The following ADAMTS8 variants were observed in gnomAD, a reference collection of about 807,000 sequenced individuals.
ADAMTS8 encodes the protein A disintegrin and metalloproteinase with thrombospondin motifs 8.
ADAMTS8 carries 50 observed loss-of-function variants against 64.4 expected under a neutral mutation model. The observed-to-expected ratio is 0.78, with a 90% confidence interval of 0.62 to 0.98. The LOEUF is 0.98. ADAMTS8 is among the 50% of genes least tolerant of loss of function. ADAMTS8 has a pLI of 0.00. For missense variants in ADAMTS8, 1,192 were observed against 1,208.2 expected (o/e 0.99, Z 0.20); for synonymous variants, 556 against 533.6 (o/e 1.04, Z -0.58).
At chr11:130,409,103 T>G (rs1404834806) in intron 6 of ADAMTS8, among the ~76,000 whole-genome samples, 163 bp from the exon 7 acceptor site, 1 of 152,134 alleles carries the variant, frequency 6.6e-6, no homozygotes, top group African/African-American at 2.4e-5. Context: ...CCTAGACGCA[T>G]GTGTGACCCT....
chr11:130,408,333 G>T, intron 8 of ADAMTS8, 131 bp downstream of exon 8: 1 of 1,085,948 alleles, frequency 9.2e-7, no homozygotes. Flanking sequence ...CTGAAGCTCG[G>T]AGAGTTTAAA....
chr11:130,425,198 G>T (rs1351214321), intron 1 of ADAMTS8, among the ~76,000 whole-genome samples: 1 of 152,152 alleles, frequency 6.6e-6, no homozygotes, highest in Non-Finnish European at 1.5e-5. Context: ...AAGCCGAATT[G>T]TCTGGGGCAG....
chr11:130,406,207 G>T, intron 8 of ADAMTS8, 79 bp from the exon 9 acceptor site: 1 of 1,499,822 alleles, frequency 6.7e-7, no homozygotes, highest in South Asian at 1.3e-5. Context: ...AGACTGAAGT[G>T]GGCACCCCAG....
At chr11:130,417,407 C>T (rs1007452114) in intron 2 of ADAMTS8, among the ~76,000 whole-genome samples, 9 of 152,096 alleles carry the variant, frequency 5.9e-5, no homozygotes, top group African/African-American at 2.2e-4. Flanking sequence ...CAGGCGTGCA[C>T]CACCACACCT....
At position 130,416,398 on chromosome 11, in the gene ADAMTS8, G is replaced by A; in HGVS notation, c.1097-68C>T. 1.4e-6 allele frequency: 2 copies of A among 1,462,360 alleles called. No individual in the cohort carries two copies. Among genetic ancestry groups the A allele is most frequent in the South Asian group, 2.7e-5 (2 of 74,690 alleles). The allele number at this position is 1,462,360 out of a possible 1,614,324, so 90.6% of individuals were successfully genotyped here. On this transcript the variant is annotated intron_variant, in intron 3 of 8. Coordinates refer to ENST00000257359, the MANE Select transcript of ADAMTS8 (RefSeq NM_007037.6). The surrounding 1 kb of genome is among the most constrained non-coding windows in gnomAD (Gnocchi z 4.8). Reference sequence around the variant, plus strand: ...GGGCGCCCCACCTGGCCCAGCTAGGGACAGAGATGGAGCTCCTCAGGGGAG... The same window carrying A: ...GGGCGCCCCACCTGGCCCAGCTAGGAACAGAGATGGAGCTCCTCAGGGGAG...
chr11:130,414,531 C>A lies in ADAMTS8; in HGVS notation c.1566G>T (p.Lys522Asn). ...GCTATCCTCAGGGGCTGTCCCTCAC[C>A]TTGGGCCTCTCCACTTCCTCCTCAG... ...CLPEEEVERP[K>N]PVADGGWAPW... The change falls in exon 5 of 9, where the codon AAG becomes AAT. Residue 522 changes from lysine to asparagine, a missense_variant and splice_region_variant. Coordinates refer to ENST00000257359, the MANE Select transcript of ADAMTS8 (RefSeq NM_007037.6). The A allele has an allele frequency of 1.3e-6, 2 of 1,595,524 alleles. No homozygotes were observed. Among genetic ancestry groups the A allele is most frequent in the Non-Finnish European group, 1.7e-6 (2 of 1,168,402 alleles).
At chr11:130,413,710 T>C (rs1217409319) in intron 5 of ADAMTS8, among the ~76,000 whole-genome samples, 3 of 152,168 alleles carry the variant, frequency 2.0e-5, no homozygotes, top group Admixed American at 2.0e-4. Flanking sequence ...TCTGAATCTG[T>C]CTCCTCTCCT....
intron 2 of ADAMTS8, among the ~76,000 whole-genome samples, 172 bp from the exon 3 acceptor site, chr11:130,417,247 A>T (rs1432862947): frequency 6.6e-6 from 1 of 150,982 alleles, no homozygotes; most frequent in Non-Finnish European, 1.5e-5. Flanking sequence ...AAATTAAATT[A>T]AATTATTATT....
chr11:130,428,565 C>A lies in ADAMTS8; in HGVS notation c.-279G>T. ...CGTCCTCCGCCCCTGCCCGCGCCAG[C>A]CCCGCGCAGCCGCCTCCTGCCTCCT... On this transcript the variant is annotated 5_prime_UTR_variant, in exon 1 of 9. Transcript: ENST00000257359. 3 of 516,094 alleles carry A rather than the reference C, an allele frequency of 5.8e-6. No individual in the cohort carries two copies. Among genetic ancestry groups the A allele is most frequent in the Non-Finnish European group, 7.5e-6 (3 of 400,722 alleles). The allele number at this position is 516,094 out of a possible 1,614,324, so 32.0% of individuals were successfully genotyped here.
Position 130,411,598 on chromosome 11 carries a change from G to A in ADAMTS8, c.1569C>T (p.Pro523=), listed in dbSNP as rs200759153. ...LPEEEVERPK[P]VADGGWAPWG... is the part of the protein sequence containing the mutation. ...ACGGTGCCCAGCCTCCATCTGCCAC[G>A]GGCTGCAACATACAATGGCACACTG... The change falls in exon 6 of 9, where the codon CCC becomes CCT. Residue 523 remains proline (P), a splice_region_variant and synonymous_variant. Transcript: ENST00000257359. The surrounding 1 kb of genome is among the most constrained non-coding windows in gnomAD (Gnocchi z 4.2). The A allele has an allele frequency of 1.4e-3, 2,288 of 1,613,906 alleles. 3 individuals carry two copies. The highest frequency in any genetic ancestry group is 1.5e-3 in the Non-Finnish European group (1,757 of 1,179,914).
At chr11:130,427,479 GAGGGATTGGAA>G in intron 1 of ADAMTS8, 77 bp downstream of exon 1, 7 of 780,224 alleles carry the variant, frequency 9.0e-6, no homozygotes, top group South Asian at 5.1e-5. Flanking sequence ...TTTTTTCTCA[GAGGGATTGGAA>G]GGGGAGATTT....
intron 1 of ADAMTS8, among the ~76,000 whole-genome samples, chr11:130,426,859 CA>C (rs1349752741): frequency 6.6e-6 from 1 of 152,254 alleles, no homozygotes; most frequent in East Asian, 1.9e-4. Flanking sequence ...GCGTTTCCAC[CA>C]AAGCTTCAGC....
In ADAMTS8 at chr11:130,428,078, G is replaced by C; in HGVS notation, c.209C>G (p.Pro70Arg). 6.5e-7 allele frequency: 1 copy of C among 1,537,946 alleles called. No individual in the cohort carries two copies. The highest frequency in any genetic ancestry group is 8.7e-7 in the Non-Finnish European group (1 of 1,151,252). The change falls in exon 1 of 9, where the codon CCC becomes CGC. Residue 70 changes from proline (P) to arginine (R), a missense_variant. Physicochemically the swap from Pro to Arg is moderately radical, Grantham distance 103. Transcript: ENST00000257359. Reference sequence around the variant, plus strand: ...CTCGGGCGCTAGGAAGCTGTCGTCGGGCGCCAGGCGCAGCACGAAGCCCTT... The same window carrying C: ...CTCGGGCGCTAGGAAGCTGTCGTCGCGCGCCAGGCGCAGCACGAAGCCCTT... ...FGKGFVLRLA[P>R]DDSFLAPEFK...
chr11:130,425,054 G>A (rs1408438197), intron 1 of ADAMTS8, among the ~76,000 whole-genome samples: 1 of 152,208 alleles, frequency 6.6e-6, no homozygotes, highest in East Asian at 1.9e-4. Flanking sequence ...TGGGTGTGCA[G>A]GTGCCAATGT....
At position 130,408,847 on chromosome 11, in the gene ADAMTS8, G is replaced by C; in HGVS notation, c.1844C>G (p.Ala615Gly). ...GCAGCGGTCCCGGGGGGACACCCCAGCATACTTGGGGACCCACTGCAGGAG... is the reference window on the plus strand; with the variant it reads ...GCAGCGGTCCCGGGGGGACACCCCACCATACTTGGGGACCCACTGCAGGAG... Reference protein sequence around the residue: ...GNLLQWVPKYAGVSPRDRCKL... With the variant: ...GNLLQWVPKYGGVSPRDRCKL... Residue 615 changes from alanine to glycine, a missense_variant, in exon 7 of 9, where the codon GCT (alanine) becomes GGT (glycine). By Grantham distance (60) the Ala-to-Gly change is moderately conservative. This residue lies in a region of ADAMTS8 where 290 missense variants were observed against 297.8 expected (regional missense o/e 0.97). Coordinates refer to ENST00000257359, the MANE Select transcript of ADAMTS8 (RefSeq NM_007037.6). The C allele has an allele frequency of 6.2e-7, 1 of 1,613,358 alleles. No homozygotes were observed. Among genetic ancestry groups the C allele is most frequent in the Non-Finnish European group, 8.5e-7 (1 of 1,179,720 alleles).
rs756126078 is a variant in ADAMTS8, at chr11:130,405,918, G to A, written c.2310C>T (p.Ile770=). The part of the protein sequence containing the change: ...KGTILKYSGS[I]ATLERLQSFR... ...AGCTCTGCAGGCGCTCCAGGGTGGC[G>A]ATGGAGCCGCTGTACTTCAGGATGG... The change falls in exon 9 of 9, where the codon ATC becomes ATT. Residue 770 remains isoleucine, a synonymous_variant. Transcript: ENST00000257359. The A allele has an allele frequency of 9.5e-5, 154 of 1,613,972 alleles. No individual in the cohort carries two copies. Among genetic ancestry groups the A allele is most frequent in the Middle Eastern group, 6.6e-4 (4 of 6,084 alleles).
chr11:130,426,054 C>T (rs1043984252), intron 1 of ADAMTS8, among the ~76,000 whole-genome samples: 2 of 152,232 alleles, frequency 1.3e-5, no homozygotes, highest in East Asian at 1.9e-4. Context: ...CCCACCGCTC[C>T]GTGCTCTCAG....
chr11:130,409,478 G>T (rs531301466), intron 6 of ADAMTS8, among the ~76,000 whole-genome samples: 9 of 152,214 alleles, frequency 5.9e-5, no homozygotes, highest in East Asian at 5.8e-4. Flanking sequence ...AGCTCCCGAT[G>T]GTCCTTCCAC....
At chr11:130,426,326 G>A (rs968210629) in intron 1 of ADAMTS8, among the ~76,000 whole-genome samples, 6 of 152,198 alleles carry the variant, frequency 3.9e-5, no homozygotes, top group Non-Finnish European at 8.8e-5. Flanking sequence ...AAGGCTGATC[G>A]CCTCCTTGTC....
Sources: allele counts gnomAD v4.1 joint callset (sites outside exome capture counted in the v4.1 genomes callset), GRCh38; gene constraint gnomAD v4.1.1; regional missense constraint gnomAD v4.1.1; non-coding constraint Gnocchi (gnomAD v3.1); transcripts MANE v1.5; gene names NCBI Gene and HGNC (gene_info 2026-07-23, HGNC 2026-07-21).